The following SULT6B1 variants were observed in gnomAD, a reference collection of about 807,000 sequenced individuals.
SULT6B1 encodes the protein sulfotransferase 6B1.
Under a neutral mutation model 37.2 loss-of-function variants are expected in SULT6B1, and 44 were observed. The observed-to-expected ratio is 1.18, with a 90% CI of 0.93 to 1.52. The LOEUF is 1.52. Among genes scored for constraint, SULT6B1 ranks in the 40% most tolerant of loss-of-function variants. SULT6B1 has a pLI of 0.00. For missense variants in SULT6B1, 450 were observed against 361.0 expected (o/e 1.25, Z -2.00); for synonymous variants, 140 against 126.0 (o/e 1.11, Z -0.74).
chr2:37,176,622 G>A (rs1320990716), intron 4 of SULT6B1, among the ~76,000 whole-genome samples: 1 of 152,040 alleles, frequency 6.6e-6, no homozygotes, highest in Middle Eastern at 3.2e-3. Flanking sequence ...TTATCATGAA[G>A]CCCTTGCTTT....
At chr2:37,195,787 G>A (rs1451042861) in intron 1 of SULT6B1, among the ~76,000 whole-genome samples, 30 of 151,550 alleles carry the variant, frequency 2.0e-4, no homozygotes, top group Admixed American at 2.0e-3. Flanking sequence ...ATTCTTTAGG[G>A]ATCTGGCTAA....
intron 5 of SULT6B1, among the ~76,000 whole-genome samples, chr2:37,174,465 T>C (rs191854332): frequency 2.4e-4 from 36 of 152,112 alleles, no homozygotes; most frequent in African/African-American, 8.2e-4. Flanking sequence ...CTCAAAGTGT[T>C]GGGATTGTAG....
intron 4 of SULT6B1, among the ~76,000 whole-genome samples, chr2:37,176,525 G>A (rs1676433818): frequency 6.6e-6 from 1 of 152,056 alleles, no homozygotes; most frequent in Non-Finnish European, 1.5e-5. Flanking sequence ...CACCCAAAGT[G>A]CTGGGATTAC....
At chr2:37,183,371 C>A in intron 3 of SULT6B1, 54 bp downstream of exon 3, 1 of 1,378,218 alleles carries the variant, frequency 7.3e-7, no homozygotes. Flanking sequence ...CTTCCAAAAA[C>A]TAATATCTAT....
intron 6 of SULT6B1, among the ~76,000 whole-genome samples, chr2:37,170,210 A>G (rs1676263383): frequency 6.6e-6 from 1 of 152,160 alleles, no homozygotes; most frequent in African/African-American, 2.4e-5. Context: ...TCACGCCTGT[A>G]ATCCCAGCAC....
intron 2 of SULT6B1, among the ~76,000 whole-genome samples, chr2:37,183,997 A>G (rs1340074083): frequency 6.6e-5 from 10 of 152,244 alleles, no homozygotes; most frequent in Non-Finnish European, 4.4e-5. Context: ...ATGAAGAATC[A>G]TAAATAAACC....
chr2:37,181,072 G>T (rs1676539740), intron 3 of SULT6B1, among the ~76,000 whole-genome samples: 1 of 152,088 alleles, frequency 6.6e-6, no homozygotes, highest in Non-Finnish European at 1.5e-5. Flanking sequence ...AAGTGGGAGG[G>T]AATCAGGATC....
chr2:37,195,441 G>A (rs1032443510), intron 1 of SULT6B1, among the ~76,000 whole-genome samples: 1 of 152,178 alleles, frequency 6.6e-6, no homozygotes, highest in African/African-American at 2.4e-5. Flanking sequence ...GGGGTGGGGC[G>A]GGTGTTAGGA....
At chr2:37,193,643 A>AAGAAGAAGAAGAAGAAGAAGAAGAAGG (rs1184385119), upstream of SULT6B1, among the ~76,000 whole-genome samples, 87 of 132,458 alleles carry the variant, frequency 6.6e-4, no homozygotes, top group African/African-American at 2.4e-3. Flanking sequence ...GAAGAAGAAG[A>AAGAAGAAGAAGAAGAAGAAGAAGAAGG]AGAAGAAGGA....
At chr2:37,193,637 A>C (rs965046411), upstream of SULT6B1, among the ~76,000 whole-genome samples, 2 of 149,580 alleles carry the variant, frequency 1.3e-5, no homozygotes, top group African/African-American at 2.5e-5. Context: ...GAAGAAGAAG[A>C]AGAAGAAGAA....
chr2:37,169,495 T>A (rs1053868601), intron 6 of SULT6B1, among the ~76,000 whole-genome samples: 95 of 152,092 alleles, frequency 6.2e-4, no homozygotes, highest in African/African-American at 2.1e-3. Flanking sequence ...TGTTTTTGTT[T>A]TTGTTTTTGT....
In SULT6B1 at chr2:37,194,580, T is replaced by C. The variant is rs1018743087; in HGVS notation, c.-22+1936A>G. The C allele has an allele frequency of 4.0e-5, 15 of 373,308 alleles. No individual in the cohort carries two copies. The East Asian group carries it at 5.6e-4, about 14-fold the overall frequency. 23.1% of individuals were successfully genotyped at this position (373,308 alleles called of 1,614,324 possible). On this transcript the variant is annotated intron_variant, in intron 1 of 7. Transcript: ENST00000407963. Reference sequence around the variant, plus strand: ...ACATCTGGAGTTCCCATCTCCTTCATTGCAAAATTTCCGGATCTCTTTGAG... The same window carrying C: ...ACATCTGGAGTTCCCATCTCCTTCACTGCAAAATTTCCGGATCTCTTTGAG...
Position 37,179,560 on chromosome 2 carries a change from T to A in SULT6B1, c.427A>T (p.Lys143Ter). ...AKILVIFRNPKDTAVSFLHFH... is the reference protein window; with the variant it reads ...AKILVIFRNP The stretch of plus-strand genomic sequence containing the variant: ...TGCAAAAAAGATACTGCTGTATCTT[T>A]AGGGTTTCGAAATATCACCAATATC... Residue 143 changes from lysine (K) to a stop codon, truncating the protein, a stop_gained, in exon 4 of 7, where the codon AAA becomes TAA. Coordinates refer to ENST00000535679, the MANE Select transcript of SULT6B1 (RefSeq NM_001367551.1). LOFTEE classifies it high-confidence loss of function. 6.2e-7 allele frequency: 1 copy of A among 1,612,932 alleles called. No individual in the cohort carries two copies. Among genetic ancestry groups the A allele is most frequent in the Non-Finnish European group, 8.5e-7 (1 of 1,179,798 alleles).
At chr2:37,178,599 T>G (rs1014330049) in intron 4 of SULT6B1, among the ~76,000 whole-genome samples, 1 of 140,860 alleles carries the variant, frequency 7.1e-6, no homozygotes, top group Non-Finnish European at 1.5e-5. Context: ...ACTCATAGTT[T>G]GTTATAAATC....
chr2:37,193,899 G>A (rs745630430), intron 1 of SULT6B1, among the ~76,000 whole-genome samples: 4 of 152,100 alleles, frequency 2.6e-5, no homozygotes, highest in Admixed American at 6.5e-5. Context: ...AGGCACTGTC[G>A]CTAAAGGACC....
intron 2 of SULT6B1, among the ~76,000 whole-genome samples, chr2:37,186,759 A>C (rs115433576): frequency 0.023 from 3,530 of 152,150 alleles, 66 homozygotes; most frequent in Middle Eastern, 0.054. Flanking sequence ...AACCAGGTGT[A>C]CTGGCACGTG....
upstream of SULT6B1, among the ~76,000 whole-genome samples, chr2:37,193,647 A>G (rs1339517578): frequency 6.9e-6 from 1 of 144,920 alleles, no homozygotes; most frequent in African/African-American, 2.5e-5. Flanking sequence ...AAGAAGAAGA[A>G]GAAGGAGAAG....
At chr2:37,175,005 A>G (rs1260975341) in intron 5 of SULT6B1, 127 bp downstream of exon 5, 2 of 505,320 alleles carry the variant, frequency 4.0e-6, no homozygotes, top group Middle Eastern at 5.5e-4. Context: ...CCAGCACTGT[A>G]CCATATATCT....
Position 37,187,440 on chromosome 2 carries a change from C to A in SULT6B1, c.227G>T (p.Ser76Ile), listed in dbSNP as rs144885045. The A allele has an allele frequency of 3.1e-6, 5 of 1,603,786 alleles. No individual in the cohort carries two copies. The highest frequency in any genetic ancestry group is 3.4e-6 in the Non-Finnish European group (4 of 1,173,034). ...TTTAGAAACAGCATATATTAATTCA[C>A]TGACAATGTGGAGAATCCAGTTTGA... ...CGSNWILHIV[S>I]ELIYAVSKKK... Residue 76 changes from serine to isoleucine, a missense_variant, in exon 2 of 7, where the codon AGT (serine) becomes ATT (isoleucine). Transcript: ENST00000535679.
Sources: allele counts gnomAD v4.1 joint callset (sites outside exome capture counted in the v4.1 genomes callset), GRCh38; gene constraint gnomAD v4.1.1; transcripts MANE v1.5; gene names NCBI Gene and HGNC (gene_info 2026-07-23, HGNC 2026-07-21).